Variants in UBTD2 observed in about 807,000 individuals in gnomAD.
UBTD2 encodes ubiquitin domain containing 2, also known as ubiquitin domain-containing protein 2.
Under a neutral mutation model 19.8 loss-of-function variants are expected in UBTD2, and 9 were observed. The ratio of observed to expected loss-of-function variants is 0.46; its 90% CI spans 0.27 to 0.79. The LOEUF (loss-of-function observed/expected upper bound fraction) is 0.79, where lower values mean the gene tolerates loss of function less well. Ranked by LOEUF, UBTD2 falls within the 30% of genes least tolerant of loss-of-function variation. UBTD2 has a pLI of 0.14. For missense variants in UBTD2, 250 were observed against 300.4 expected (o/e 0.83, Z 1.24); for synonymous variants, 98 against 103.9 (o/e 0.94, Z 0.35).
chr5:172,267,039 T>TAAAAAAA (rs34544452), intron 1 of UBTD2, among the ~76,000 whole-genome samples: 89 of 119,326 alleles, frequency 7.5e-4, no homozygotes, highest in African/African-American at 2.8e-3. Context: ...AGCCTCTCTT[T>TAAAAAAA]AAAAAAAAAA....
At chr5:172,254,015 A>G (rs1039479039) in intron 1 of UBTD2, among the ~76,000 whole-genome samples, 2 of 152,208 alleles carry the variant, frequency 1.3e-5, no homozygotes, top group Non-Finnish European at 2.9e-5. Context: ...GGATAATATA[A>G]GTTCAGAGAT....
intron 1 of UBTD2, among the ~76,000 whole-genome samples, chr5:172,263,091 C>A (rs555029580): frequency 1.3e-5 from 2 of 152,096 alleles, no homozygotes; most frequent in East Asian, 3.9e-4. Flanking sequence ...GTGCGCACCA[C>A]CACACCTAGT....
intron 1 of UBTD2, among the ~76,000 whole-genome samples, chr5:172,252,095 T>C (rs1340762000): frequency 6.6e-6 from 1 of 152,158 alleles, no homozygotes; most frequent in Admixed American, 6.5e-5. Flanking sequence ...AACTAAACAG[T>C]ATAACAGGGA....
At chr5:172,228,682 C>G (rs1045079230) in intron 2 of UBTD2, among the ~76,000 whole-genome samples, 1 of 151,924 alleles carries the variant, frequency 6.6e-6, no homozygotes, top group African/African-American at 2.4e-5. Flanking sequence ...GATCGCACCA[C>G]TGCACTCCAG....
At chr5:172,248,155 C>A (rs1324187470) in intron 1 of UBTD2, among the ~76,000 whole-genome samples, 1 of 152,122 alleles carries the variant, frequency 6.6e-6, no homozygotes, top group East Asian at 1.9e-4. Flanking sequence ...TTATGAGATG[C>A]AGTGAAAGCA....
At chr5:172,241,836 C>T (rs1405639687) in intron 1 of UBTD2, among the ~76,000 whole-genome samples, 7 of 152,104 alleles carry the variant, frequency 4.6e-5, no homozygotes, top group Non-Finnish European at 7.4e-5. Context: ...CTGGCCAACA[C>T]GGCGAAACCT....
intron 2 of UBTD2, among the ~76,000 whole-genome samples, chr5:172,228,789 C>G (rs1199624145): frequency 3.3e-5 from 5 of 151,868 alleles, no homozygotes; most frequent in Non-Finnish European, 5.9e-5. Context: ...ATTGCTGATT[C>G]TCAGTCCAGT....
chr5:172,250,866 C>T (rs901750015), intron 1 of UBTD2, among the ~76,000 whole-genome samples: 3 of 127,048 alleles, frequency 2.4e-5, no homozygotes, highest in African/African-American at 9.2e-5. Context: ...TCAGGAAGGT[C>T]GAGGCTGCAG....
At chr5:172,223,577 C>T (rs533042892) in intron 2 of UBTD2, among the ~76,000 whole-genome samples, 3 of 95,192 alleles carry the variant, frequency 3.2e-5, no homozygotes, top group Admixed American at 1.7e-4. Flanking sequence ...CCAGCCTGGG[C>T]GACGGAGTCA....
intron 1 of UBTD2, among the ~76,000 whole-genome samples, chr5:172,280,941 A>G (rs918107657): frequency 5.9e-5 from 9 of 152,238 alleles, no homozygotes; most frequent in African/African-American, 1.9e-4. Context: ...GAAAAAGGAA[A>G]GTATAGTATT....
In UBTD2 at chr5:172,209,656, CTT is replaced by C. The variant is rs3836824; in HGVS notation, c.*2172_*2173del. 75 of 146,030 alleles carry C rather than the reference CTT, an allele frequency of 5.1e-4. No individual in the cohort carries two copies. Among genetic ancestry groups the C allele is most frequent in the East Asian group, 6.0e-4 (3 of 5,012 alleles). 9.0% of individuals were successfully genotyped at this position (146,030 alleles called of 1,614,324 possible). A position where few individuals can be genotyped will look rare whatever the true frequency, so the allele number is the denominator to read the frequency against. On this transcript the variant is annotated 3_prime_UTR_variant, in exon 3 of 3. Coordinates refer to ENST00000393792, the MANE Select transcript of UBTD2 (RefSeq NM_152277.3). ...GCAAAGACAAAGAGAAAAATTGAAC[CTT>C]TTTTTTTTTTTTAAAAAAAGCACAT...
chr5:172,220,986 G>A (rs982150240), intron 2 of UBTD2, among the ~76,000 whole-genome samples: 2 of 152,080 alleles, frequency 1.3e-5, no homozygotes, highest in African/African-American at 4.8e-5. Context: ...TGAGCAAGTA[G>A]AATATGAAAT....
chr5:172,258,861 GT>G (rs1561863005), intron 1 of UBTD2, among the ~76,000 whole-genome samples: 1 of 152,116 alleles, frequency 6.6e-6, no homozygotes, highest in African/African-American at 2.4e-5. Flanking sequence ...AGACTAGGGG[GT>G]TTTCTAGGTA....
At chr5:172,239,018 C>T (rs1772068509) in intron 1 of UBTD2, among the ~76,000 whole-genome samples, 1 of 152,212 alleles carries the variant, frequency 6.6e-6, no homozygotes, top group East Asian at 1.9e-4. Flanking sequence ...ATTTAGAATG[C>T]ACTATATACA....
intron 1 of UBTD2, among the ~76,000 whole-genome samples, chr5:172,270,662 T>C (rs756787025): frequency 1.3e-5 from 2 of 152,134 alleles, no homozygotes; most frequent in Non-Finnish European, 2.9e-5. Flanking sequence ...CCTAGAATTT[T>C]AGAGTTTTTC....
intron 1 of UBTD2, among the ~76,000 whole-genome samples, chr5:172,254,126 G>T (rs939991387): frequency 5.9e-5 from 9 of 152,148 alleles, no homozygotes; most frequent in African/African-American, 1.7e-4. Flanking sequence ...TTGAGACAGA[G>T]TCTCGCTCTG....
chr5:172,243,436 C>T (rs1011112742), intron 1 of UBTD2, among the ~76,000 whole-genome samples: 3 of 151,618 alleles, frequency 2.0e-5, no homozygotes, highest in Non-Finnish European at 4.4e-5. Context: ...TTCCTTGCCA[C>T]ATGAGGACAC....
intron 1 of UBTD2, among the ~76,000 whole-genome samples, chr5:172,255,974 AGCTACTTGGGAGGCT>A (rs1261629549): frequency 6.6e-6 from 1 of 152,104 alleles, no homozygotes; most frequent in Non-Finnish European, 1.5e-5. Flanking sequence ...CTGTAATCCC[AGCTACTTGGGAGGCT>A]GAGGCAGGAG....
Position 172,211,161 on chromosome 5 carries a change from T to C in UBTD2, c.*669A>G, listed in dbSNP as rs17701158. The C allele has an allele frequency of 0.1, 15,525 of 152,188 alleles. 817 individuals carry two copies. Among genetic ancestry groups the C allele is most frequent in the South Asian group, 0.16 (759 of 4,824 alleles). 9.4% of individuals were successfully genotyped at this position (152,188 alleles called of 1,614,324 possible). On this transcript the variant is annotated 3_prime_UTR_variant, in exon 3 of 3. Coordinates refer to ENST00000393792, the MANE Select transcript of UBTD2 (RefSeq NM_152277.3). The stretch of plus-strand genomic sequence containing the variant: ...GTTCCAGAAGGGTGCCTGCCACTAA[T>C]GTGCTGGAAGGCACCAAAATTTAGT...
Sources: allele counts gnomAD v4.1 joint callset (sites outside exome capture counted in the v4.1 genomes callset), GRCh38; gene constraint gnomAD v4.1.1; transcripts MANE v1.5; gene names NCBI Gene and HGNC (gene_info 2026-07-23, HGNC 2026-07-21).